ZRANB1: variants seen among roughly 807,000 people sequenced by gnomAD.
ZRANB1 encodes the protein ubiquitin thioesterase ZRANB1.
A neutral mutation model predicts 80.5 loss-of-function variants in ZRANB1; 16 were observed. The ratio of observed to expected loss-of-function variants is 0.20; its 90% confidence interval spans 0.13 to 0.30. ZRANB1 has a LOEUF of 0.30. ZRANB1 is among the 10% of genes least tolerant of loss of function. ZRANB1 has a pLI of 1.00. For missense variants in ZRANB1, 576 were observed against 862.6 expected (o/e 0.67, Z 4.16); for synonymous variants, 291 against 293.1 (o/e 0.99, Z 0.07).
At chr10:124,984,081 G>A (rs568588694) in intron 8 of ZRANB1, among the ~76,000 whole-genome samples, 1 of 152,118 alleles carries the variant, frequency 6.6e-6, no homozygotes, top group South Asian at 2.1e-4. Flanking sequence ...GAAGAGGTCA[G>A]AGAGGATAGG....
intron 1 of ZRANB1, among the ~76,000 whole-genome samples, chr10:124,963,099 CTACTAAAAA>C (rs1951747066): frequency 2.0e-5 from 3 of 151,926 alleles, no homozygotes; most frequent in Admixed American, 6.6e-5. Flanking sequence ...AACCCCGTCT[CTACTAAAAA>C]TACAAAAATT....
At chr10:124,955,469 T>G (rs1365969598) in intron 1 of ZRANB1, among the ~76,000 whole-genome samples, 1 of 152,074 alleles carries the variant, frequency 6.6e-6, no homozygotes, top group Non-Finnish European at 1.5e-5. Context: ...CCTGCATCCG[T>G]AAAAGGAAAG....
chr10:124,975,598 G>A (rs906448465), intron 5 of ZRANB1, among the ~76,000 whole-genome samples: 1 of 152,170 alleles, frequency 6.6e-6, no homozygotes, highest in Admixed American at 6.5e-5. Context: ...TTTGACTTAT[G>A]TGGTATTTTT....
intron 1 of ZRANB1, among the ~76,000 whole-genome samples, chr10:124,951,145 A>G (rs893948297): frequency 3.9e-5 from 6 of 152,182 alleles, no homozygotes; most frequent in Non-Finnish European, 5.9e-5. Flanking sequence ...GACATTTACA[A>G]TTTGTCAGAG....
rs1952033972 is a variant in ZRANB1 at position 124,986,277 on chromosome 10, GCACGCGCGCGCGCGCACACACACACA to G, written c.*1289_*1314del. ...CCAGGAATTTGGAAAGACGACACAC[GCACGCGCGCGCGCGCACACACACACA>G]CACACACACACACACACACAGTTTT... On this transcript the variant is annotated 3_prime_UTR_variant, in exon 9 of 9. Coordinates refer to ENST00000359653, the MANE Select transcript of ZRANB1 (RefSeq NM_017580.3). The G allele has an allele frequency of 4.7e-5, 1 of 21,408 alleles. No individual in the cohort carries two copies. The highest frequency in any genetic ancestry group is 2.5e-3 in the South Asian group (1 of 400). The allele number at this position is 21,408 out of a possible 1,614,324, so 1.3% of individuals were successfully genotyped here.
rs557462822 is a variant in ZRANB1, at chr10:124,944,940, AC to A, written c.814+1635del. ...CCTGAGGATGAGGGGATGAAAACATACCGGGCTATCTTCTGTCTGTGTTGTC... is the reference window on the plus strand; with the variant it reads ...CCTGAGGATGAGGGGATGAAAACATACGGGCTATCTTCTGTCTGTGTTGTC... On this transcript the variant is annotated intron_variant, in intron 1 of 8. Transcript: ENST00000359653. Among the ~76,000 whole-genome samples, 352 of 152,318 alleles carry A rather than the reference AC, an allele frequency of 2.3e-3. 2 individuals are homozygous for A. Among genetic ancestry groups the A allele is most frequent in the Middle Eastern group, 6.8e-3 (2 of 294 alleles).
upstream of ZRANB1, among the ~76,000 whole-genome samples, chr10:124,940,943 C>T (rs1450641273): frequency 6.6e-6 from 1 of 152,058 alleles, no homozygotes; most frequent in Non-Finnish European, 1.5e-5. Context: ...CACCACTCCA[C>T]TGCATTCCAG....
At chr10:124,947,394 A>G (rs1951594471) in intron 1 of ZRANB1, among the ~76,000 whole-genome samples, 1 of 152,216 alleles carries the variant, frequency 6.6e-6, no homozygotes, top group Non-Finnish European at 1.5e-5. Flanking sequence ...ATAGAGCAGC[A>G]CTACCTAATG....
chr10:124,971,085 G>C (rs1439090287), intron 2 of ZRANB1, among the ~76,000 whole-genome samples: 1 of 152,230 alleles, frequency 6.6e-6, no homozygotes, highest in African/African-American at 2.4e-5. Flanking sequence ...CGGCCTCCCA[G>C]AGTTGGTGGG....
intron 1 of ZRANB1, among the ~76,000 whole-genome samples, chr10:124,949,826 T>C (rs1026208700): frequency 2.0e-5 from 3 of 152,182 alleles, no homozygotes; most frequent in Non-Finnish European, 4.4e-5. Flanking sequence ...AAATACTCAG[T>C]TGCCCAATAG....
At chr10:124,931,805 T>A in the ZRANB1 span, among the ~76,000 whole-genome samples, 5,197 of 152,284 alleles carry the variant, frequency 0.034, 276 homozygotes, top group African/African-American at 0.11. Flanking sequence ...GTATATTTGT[T>A]AACAATTAAT....
At chr10:124,977,409 G>A (rs553841998) in intron 5 of ZRANB1, among the ~76,000 whole-genome samples, 5 of 151,468 alleles carry the variant, frequency 3.3e-5, no homozygotes, top group African/African-American at 7.3e-5. Flanking sequence ...TGTTTGTATC[G>A]GGACTGGAAT....
chr10:124,970,083 A>G (rs1476295971), intron 2 of ZRANB1, among the ~76,000 whole-genome samples: 2 of 152,100 alleles, frequency 1.3e-5, no homozygotes, highest in Non-Finnish European at 2.9e-5. Flanking sequence ...CATTTTAACT[A>G]TGTTACTTGA....
intron 2 of ZRANB1, 33 bp downstream of exon 2, chr10:124,966,814 A>G (rs780421978): frequency 6.4e-7 from 1 of 1,571,818 alleles, no homozygotes. Flanking sequence ...ATGTTCTTTT[A>G]TATTAAAGAA....
the ZRANB1 span, among the ~76,000 whole-genome samples, chr10:124,924,669 A>T: frequency 3.8e-4 from 58 of 152,154 alleles, 1 homozygote; most frequent in South Asian, 5.6e-3. Context: ...TGGCTGGCTG[A>T]TACTCCATTG....
intron 2 of ZRANB1, among the ~76,000 whole-genome samples, chr10:124,967,900 T>C (rs1210698674): frequency 6.6e-6 from 1 of 151,896 alleles, no homozygotes; most frequent in African/African-American, 2.4e-5. Flanking sequence ...GTTTTTTTTT[T>C]CTTTCTTTTT....
At chr10:124,961,221 G>A (rs990515150) in intron 1 of ZRANB1, among the ~76,000 whole-genome samples, 10 of 151,928 alleles carry the variant, frequency 6.6e-5, no homozygotes, top group Non-Finnish European at 1.5e-5. Flanking sequence ...GGCCAGACTG[G>A]TCTTGAACTC....
In ZRANB1 at chr10:124,986,943, T is replaced by C. The variant is rs762206253; in HGVS notation, c.*1951T>C. On this transcript the variant is annotated 3_prime_UTR_variant, in exon 9 of 9. Transcript: ENST00000359653. ...CTACTGTGTGTTGTGGTCTGGTGAG[T>C]GTTGTTTCCCCTGAGCGCTCTATTA... 39 of 152,290 alleles carry C rather than the reference T, an allele frequency of 2.6e-4. No individual in the cohort carries two copies. Among genetic ancestry groups the C allele is most frequent in the Non-Finnish European group, 5.3e-4 (36 of 67,998 alleles). 9.4% of individuals were successfully genotyped at this position (152,290 alleles called of 1,614,324 possible).
chr10:124,930,903 G>A, the ZRANB1 span, among the ~76,000 whole-genome samples: 2 of 151,936 alleles, frequency 1.3e-5, no homozygotes, highest in South Asian at 2.1e-4. Flanking sequence ...AATGGTGTGC[G>A]CCTGTAGGCC....
Sources: gnomAD v4.1 joint callset for allele counts (sites outside exome capture counted in the v4.1 genomes callset) on GRCh38, gnomAD v4.1.1 for gene constraint, MANE v1.5 for transcripts, NCBI Gene and HGNC (gene_info 2026-07-23, HGNC 2026-07-21) for gene names.